Variants in SLC24A2 observed in about 807,000 individuals in gnomAD.
SLC24A2 encodes the protein sodium/potassium/calcium exchanger 2.
In SLC24A2, 36 loss-of-function variants were observed where a neutral mutation model predicts 62.0. The observed-to-expected ratio is 0.58, with a 90% CI of 0.44 to 0.77. The LOEUF (loss-of-function observed/expected upper bound fraction) is 0.77, where lower values mean the gene tolerates loss of function less well. Among genes scored for constraint, SLC24A2 ranks in the 30% least tolerant of loss-of-function variants. SLC24A2 has a pLI of 0.00. For missense variants in SLC24A2, 846 were observed against 817.9 expected, an observed-to-expected ratio of 1.03 and a Z score of -0.42; for synonymous variants, 358 against 294.0, an observed-to-expected ratio of 1.22 and a Z score of -2.23.
At chr9:20,001,713 T>C in the SLC24A2 span, among the ~76,000 whole-genome samples, 2 of 152,174 alleles carry the variant, frequency 1.3e-5, no homozygotes, top group African/African-American at 4.8e-5. Flanking sequence ...CTTTAAGATT[T>C]GTTACATGGA....
At chr9:20,048,074 C>T in the SLC24A2 span, among the ~76,000 whole-genome samples, 2 of 152,092 alleles carry the variant, frequency 1.3e-5, no homozygotes, top group Non-Finnish European at 2.9e-5. Context: ...GATTGGGATG[C>T]AAGACACCAG....
At chr9:20,082,505 A>G in the SLC24A2 span, among the ~76,000 whole-genome samples, 1 of 152,222 alleles carries the variant, frequency 6.6e-6, no homozygotes. Context: ...CATCCTTGCC[A>G]GGAGCATGGT....
chr9:19,701,131 C>A (rs1434118289), intron 2 of SLC24A2, among the ~76,000 whole-genome samples: 1 of 152,220 alleles, frequency 6.6e-6, no homozygotes, highest in Non-Finnish European at 1.5e-5. Context: ...AGAAAGAGAA[C>A]AACCCACTGA....
the SLC24A2 span, among the ~76,000 whole-genome samples, chr9:20,070,959 G>A: frequency 2.6e-5 from 4 of 152,166 alleles, no homozygotes; most frequent in African/African-American, 9.7e-5. Flanking sequence ...TATAGAGGTG[G>A]TTTATTATAG....
intron 8 of SLC24A2, among the ~76,000 whole-genome samples, chr9:19,528,721 A>G (rs1201197031): frequency 6.6e-6 from 1 of 152,190 alleles, no homozygotes; most frequent in African/African-American, 2.4e-5. Flanking sequence ...TAGATTCTGG[A>G]TGATGGCCAT....
chr9:19,693,784 T>A (rs1185535037), intron 2 of SLC24A2, among the ~76,000 whole-genome samples: 2 of 151,766 alleles, frequency 1.3e-5, no homozygotes, highest in Non-Finnish European at 2.9e-5. Flanking sequence ...AGGCACTCTT[T>A]ATTTATTTAT....
At chr9:19,773,952 A>G (rs552624357) in intron 2 of SLC24A2, among the ~76,000 whole-genome samples, 11 of 152,352 alleles carry the variant, frequency 7.2e-5, no homozygotes, top group Non-Finnish European at 1.2e-4. Flanking sequence ...AAGCAAGGTC[A>G]AGTCCAAACA....
At chr9:19,698,216 A>C (rs7048798) in intron 2 of SLC24A2, among the ~76,000 whole-genome samples, 55,951 of 151,924 alleles carry the variant, frequency 0.37, 11,924 homozygotes, top group African/African-American at 0.6. Context: ...AAAATTCCAC[A>C]CCTGACCTCA....
chr9:20,172,930 C>G, the SLC24A2 span, among the ~76,000 whole-genome samples: 2 of 151,910 alleles, frequency 1.3e-5, no homozygotes, highest in Admixed American at 1.3e-4. Context: ...TACAAAAATC[C>G]TTAACAAAAT....
chr9:19,557,059 G>T (rs781451190), intron 7 of SLC24A2, among the ~76,000 whole-genome samples: 1 of 152,134 alleles, frequency 6.6e-6, no homozygotes, highest in African/African-American at 2.4e-5. Context: ...TTGATGGGTA[G>T]GGAACCTGAG....
At chr9:19,729,576 T>C (rs1821273892) in intron 2 of SLC24A2, among the ~76,000 whole-genome samples, 1 of 152,146 alleles carries the variant, frequency 6.6e-6, no homozygotes, top group African/African-American at 2.4e-5. Context: ...GCAATGTGGA[T>C]GGAACTTGAG....
chr9:19,708,473 G>C (rs1285440843), intron 2 of SLC24A2, among the ~76,000 whole-genome samples: 3 of 152,154 alleles, frequency 2.0e-5, no homozygotes, highest in Non-Finnish European at 2.9e-5. Flanking sequence ...AAAGAACAAA[G>C]CTGGAGCCAT....
intron 2 of SLC24A2, among the ~76,000 whole-genome samples, chr9:19,637,973 G>A (rs1818401258): frequency 6.6e-6 from 1 of 152,198 alleles, no homozygotes; most frequent in African/African-American, 2.4e-5. Context: ...AAAATGTACA[G>A]TGAGAGAGAA....
At chr9:19,561,636 C>T (rs2132804861) in intron 7 of SLC24A2, among the ~76,000 whole-genome samples, 1 of 151,400 alleles carries the variant, frequency 6.6e-6, no homozygotes, top group South Asian at 2.1e-4. Flanking sequence ...GGATTTCACC[C>T]ATCCAGGATG....
chr9:19,944,389 C>G, the SLC24A2 span, among the ~76,000 whole-genome samples: 1 of 149,408 alleles, frequency 6.7e-6, no homozygotes, highest in Non-Finnish European at 1.5e-5. Flanking sequence ...TGCAATATAC[C>G]CAGGTAACAA....
chr9:20,107,871 A>C, the SLC24A2 span, among the ~76,000 whole-genome samples: 1 of 152,106 alleles, frequency 6.6e-6, no homozygotes, highest in African/African-American at 2.4e-5. Flanking sequence ...AAAGAGCTTC[A>C]GCACAGCAAA....
the SLC24A2 span, among the ~76,000 whole-genome samples, chr9:19,846,220 T>C: frequency 6.6e-6 from 1 of 152,226 alleles, no homozygotes; most frequent in Non-Finnish European, 1.5e-5. Context: ...ATTGTGTGGC[T>C]GTCAAAATCT....
chr9:20,212,994 G>T, the SLC24A2 span, among the ~76,000 whole-genome samples: 1 of 151,704 alleles, frequency 6.6e-6, no homozygotes, highest in Non-Finnish European at 1.5e-5. Context: ...CACAGGGACG[G>T]GAACAACACA....
chr9:19,850,811 G>C, the SLC24A2 span, among the ~76,000 whole-genome samples: 4 of 149,810 alleles, frequency 2.7e-5, 1 homozygote, highest in African/African-American at 7.3e-5. Context: ...TATTATTGCT[G>C]AATAGTTTTC....
Sources: allele counts gnomAD v4.1 joint callset (sites outside exome capture counted in the v4.1 genomes callset), GRCh38; gene constraint gnomAD v4.1.1; transcripts MANE v1.5; gene names NCBI Gene and HGNC (gene_info 2026-07-23, HGNC 2026-07-21).